The following LGR6 variants were observed in gnomAD, a reference collection of about 807,000 sequenced individuals.
LGR6 encodes the protein leucine rich repeat containing G protein-coupled receptor 6.
In LGR6, 45 loss-of-function variants were observed where a neutral mutation model predicts 69.4. The ratio of observed to expected loss-of-function variants is 0.65; its 90% CI spans 0.51 to 0.83. The LOEUF (loss-of-function observed/expected upper bound fraction) is 0.83. Among genes scored for constraint, LGR6 ranks in the 40% least tolerant of loss-of-function variants. The pLI, the probability that LGR6 is intolerant of heterozygous loss-of-function variation, is 0.00. For missense variants in LGR6, 1,108 were observed against 1,246.7 expected (o/e 0.89, Z 1.68); for synonymous variants, 538 against 555.0 (o/e 0.97, Z 0.43).
intron 4 of LGR6, among the ~76,000 whole-genome samples, chr1:202,240,979 C>A (rs1249617436): frequency 6.6e-6 from 1 of 152,184 alleles, no homozygotes; most frequent in African/African-American, 2.4e-5. Flanking sequence ...TAATCACCGT[C>A]TCTGTTATCA....
In LGR6 at chr1:202,309,120, C is replaced by T. The variant is rs746747606; in HGVS notation, c.1350C>T (p.Leu450=). Residue 450 remains leucine, a synonymous_variant, in exon 15 of 18, where the codon CTC becomes CTT. Transcript: ENST00000367278. ...TTGGGGGCTTGATGCATCTGAAGCT[C>T]AAAGGGAACCTTGCTCTCTCCCAGG... ...AGLGGLMHLK[L]KGNLALSQAF... is the part of the protein sequence containing the mutation. 2 of 1,614,126 alleles carry T rather than the reference C, an allele frequency of 1.2e-6. No individual in the cohort carries two copies. The highest frequency in any genetic ancestry group is 1.3e-5 in the African/African-American group (1 of 75,028).
At chr1:202,212,923 G>C (rs975925537) in intron 1 of LGR6, among the ~76,000 whole-genome samples, 8 of 151,974 alleles carry the variant, frequency 5.3e-5, no homozygotes, top group Non-Finnish European at 1.2e-4. Flanking sequence ...TGTCTCTCTT[G>C]GCCAGCTCAG....
chr1:202,217,536 G>A (rs931604523), intron 1 of LGR6, among the ~76,000 whole-genome samples: 3 of 151,906 alleles, frequency 2.0e-5, no homozygotes, highest in African/African-American at 7.3e-5. Flanking sequence ...ATCCCTCCCA[G>A]CCCCACCTGA....
chr1:202,300,213 T>C (rs963967711), intron 7 of LGR6, among the ~76,000 whole-genome samples: 3 of 152,222 alleles, frequency 2.0e-5, no homozygotes, highest in Non-Finnish European at 4.4e-5. Flanking sequence ...TCACGACAAA[T>C]GACTAAGGAG....
intron 4 of LGR6, among the ~76,000 whole-genome samples, chr1:202,253,167 C>T (rs1305780408): frequency 6.6e-6 from 1 of 152,200 alleles, no homozygotes; most frequent in East Asian, 1.9e-4. Context: ...ATTGTCTGAA[C>T]ATTCTGAGCC....
intron 2 of LGR6, among the ~76,000 whole-genome samples, chr1:202,226,177 G>A (rs1305766024): frequency 2.6e-5 from 4 of 152,086 alleles, no homozygotes; most frequent in Non-Finnish European, 2.9e-5. Flanking sequence ...ATCATCTCCT[G>A]GATTAGAGTG....
chr1:202,196,748 G>A (rs1221410882), intron 1 of LGR6, among the ~76,000 whole-genome samples: 1 of 152,194 alleles, frequency 6.6e-6, no homozygotes, highest in East Asian at 1.9e-4. Context: ...CATGGAGGTG[G>A]AGGTAAACTA....
chr1:202,315,001 G>A, intron 17 of LGR6, 119 bp downstream of exon 17: 1 of 716,020 alleles, frequency 1.4e-6, no homozygotes, highest in Non-Finnish European at 2.5e-6. Context: ...CTGACTCCCA[G>A]CCTGCTGCAA....
In LGR6 at chr1:202,309,009, A is replaced by T. The variant is rs745905353; in HGVS notation, c.1281-42A>T. On this transcript the variant is annotated intron_variant, in intron 14 of 17. Transcript: ENST00000367278. ...TCAGCACAGCCCTGCCCCCTCAGCA[A>T]TCCCACTGACTGCCAATAACCCTGA... 8 of 1,610,560 alleles carry T rather than the reference A, an allele frequency of 5.0e-6. 1 individual carries two copies. The South Asian group carries it at 8.8e-5, about 18-fold the overall frequency.
chr1:202,293,929 A>T (rs1666970876), intron 6 of LGR6, among the ~76,000 whole-genome samples: 1 of 152,224 alleles, frequency 6.6e-6, no homozygotes, highest in Non-Finnish European at 1.5e-5. Flanking sequence ...GAGGGCTGGA[A>T]CTACTCAATG....
intron 1 of LGR6, among the ~76,000 whole-genome samples, chr1:202,204,800 C>T (rs1441692563): frequency 0.011 from 1 of 88 alleles, no homozygotes; most frequent in East Asian, 0.5. Context: ...CCACACACAC[C>T]TAACACACAC....
chr1:202,266,446 C>A (rs1664664256), intron 4 of LGR6, among the ~76,000 whole-genome samples: 1 of 152,026 alleles, frequency 6.6e-6, no homozygotes, highest in Non-Finnish European at 1.5e-5. Context: ...AAGAACAAGA[C>A]CTTTGCCAGC....
chr1:202,288,856 C>T (rs181581270), intron 6 of LGR6, among the ~76,000 whole-genome samples: 3 of 152,322 alleles, frequency 2.0e-5, no homozygotes, highest in East Asian at 1.9e-4. Context: ...GAAAGATTAT[C>T]GGGCCACATT....
At chr1:202,218,070 G>T (rs1461010549) in intron 1 of LGR6, among the ~76,000 whole-genome samples, 1 of 152,194 alleles carries the variant, frequency 6.6e-6, no homozygotes, top group African/African-American at 2.4e-5. Flanking sequence ...CATCTAAAGT[G>T]GGGAGGCTGT....
At chr1:202,239,612 A>G (rs1161644306) in intron 4 of LGR6, among the ~76,000 whole-genome samples, 1 of 152,154 alleles carries the variant, frequency 6.6e-6, no homozygotes, top group Non-Finnish European at 1.5e-5. Context: ...TGGGGAAGTC[A>G]GTGAAGAGGC....
chr1:202,239,516 G>A (rs1373571910), intron 4 of LGR6, among the ~76,000 whole-genome samples: 1 of 152,076 alleles, frequency 6.6e-6, no homozygotes, highest in African/African-American at 2.4e-5. Context: ...GGAGCCACGG[G>A]AGGGCTTTTA....
At position 202,225,474 on chromosome 1, in the gene LGR6, C is replaced by G. The variant is rs1660473333; in HGVS notation, c.264C>G (p.His88Gln). The part of the protein sequence containing the change: ...LTELQPGLFH[H>Q]LRFLEELRLS... ...AGCTTCAGCCTGGCCTCTTCCACCA[C>G]CTGCGCTTCTTGGAGGAGCTGTGAG... The change falls in exon 2 of 18, where the codon CAC (histidine) becomes CAG (glutamine). Residue 88 changes from histidine to glutamine, a missense_variant. Transcript: ENST00000367278. The G allele has an allele frequency of 1.2e-6, 2 of 1,613,972 alleles. No homozygotes were observed. The highest frequency in any genetic ancestry group is 1.1e-5 in the South Asian group (1 of 91,076).
chr1:202,313,008 C>T (rs573231571), intron 16 of LGR6, among the ~76,000 whole-genome samples: 128 of 152,178 alleles, frequency 8.4e-4, no homozygotes, highest in Non-Finnish European at 1.6e-3. Context: ...GCAGGCGGAT[C>T]ACAAGGTCAG....
In LGR6 at chr1:202,268,484, TC is replaced by T. The variant is rs969848156; in HGVS notation, c.429-7817del. The stretch of plus-strand genomic sequence containing the variant: ...TTTTTTTTTTTAACTTTTAATATCC[TC>T]CCCCTTCCACCCTCCATTCTGTACT... On this transcript the variant is annotated intron_variant, in intron 4 of 17. Transcript: ENST00000367278. The surrounding 1 kb of genome is among the most constrained non-coding windows in gnomAD (Gnocchi z 4.4). 6.6e-6 allele frequency among the ~76,000 whole-genome samples: 1 copy of T among 150,890 alleles called. No homozygotes were observed. Among genetic ancestry groups the T allele is most frequent in the Admixed American group, 6.6e-5 (1 of 15,186 alleles).
Sources: allele counts gnomAD v4.1 joint callset (sites outside exome capture counted in the v4.1 genomes callset), GRCh38; gene constraint gnomAD v4.1.1; non-coding constraint Gnocchi (gnomAD v3.1); transcripts MANE v1.5; gene names NCBI Gene and HGNC (gene_info 2026-07-23, HGNC 2026-07-21).